Variants in EHF observed in about 807,000 individuals in gnomAD.
EHF encodes ESE3 transcription factor.
EHF carries 14 observed loss-of-function variants against 45.1 expected under a neutral mutation model. The ratio of observed to expected loss-of-function variants is 0.31; its 90% CI spans 0.21 to 0.49. The LOEUF (loss-of-function observed/expected upper bound fraction) is 0.49. Among genes scored for constraint, EHF ranks in the 20% least tolerant of loss-of-function variants. The pLI, the probability that EHF is intolerant of heterozygous loss-of-function variation, is 0.99. For missense variants in EHF, 282 were observed against 371.4 expected (o/e 0.76, Z 1.98); for synonymous variants, 136 against 131.8 (o/e 1.03, Z -0.22).
chr11:34,635,609 G>A (rs981692024), intron 1 of EHF, among the ~76,000 whole-genome samples: 2 of 151,592 alleles, frequency 1.3e-5, no homozygotes, highest in African/African-American at 4.9e-5. Flanking sequence ...CAGTATTTGA[G>A]CATTCTCTGT....
At chr11:34,643,093 TG>T (rs1854177020) in intron 2 of EHF, among the ~76,000 whole-genome samples, 1 of 151,818 alleles carries the variant, frequency 6.6e-6, no homozygotes, top group East Asian at 1.9e-4. Context: ...TGTGTGTGTG[TG>T]TGTATGTGCG....
chr11:34,636,717 T>C (rs966091444), intron 1 of EHF, among the ~76,000 whole-genome samples: 4 of 152,130 alleles, frequency 2.6e-5, no homozygotes, highest in African/African-American at 9.7e-5. Flanking sequence ...GCCCTTATTC[T>C]TTTAAGAGCT....
intron 1 of EHF, among the ~76,000 whole-genome samples, chr11:34,637,335 G>A (rs767348577): frequency 2.0e-5 from 3 of 152,192 alleles, no homozygotes; most frequent in African/African-American, 7.2e-5. Context: ...AGAAGCAGGC[G>A]CATGGGGCTG....
At chr11:34,656,572 T>TTCTATGCC (rs1855693355) in intron 6 of EHF, among the ~76,000 whole-genome samples, 1 of 152,146 alleles carries the variant, frequency 6.6e-6, no homozygotes, top group Admixed American at 6.5e-5. Context: ...GCCTTTGCAC[T>TTCTATGCC]TCTATGTTAC....
chr11:34,647,947 C>T (rs1192124642), intron 3 of EHF, among the ~76,000 whole-genome samples: 2 of 152,166 alleles, frequency 1.3e-5, no homozygotes, highest in African/African-American at 4.8e-5. Context: ...CAATTAAATC[C>T]ACTCCTTTAA....
At position 34,658,534 on chromosome 11, in the gene EHF, C is replaced by T. The variant is rs1027549870; in HGVS notation, c.609C>T (p.Asn203=). The T allele has an allele frequency of 2.5e-6, 4 of 1,612,022 alleles. No individual in the cohort carries two copies. The highest frequency in any genetic ancestry group is 1.7e-4 in the Middle Eastern group (1 of 6,038). ...ACCTGCCTTTCTGCTTTTCATCAGA[C>T]CCGAGAGGGACTCACTTATGGGAAT... is the stretch of plus-strand genomic sequence containing the variant. The part of the protein sequence containing the change: ...PPAKCHTKKH[N]PRGTHLWEFI... The change falls in exon 8 of 9, where the codon AAC becomes AAT. Residue 203 remains asparagine, a splice_region_variant and synonymous_variant. Transcript: ENST00000257831.
At chr11:34,652,039 T>C (rs1297271761) in intron 6 of EHF, among the ~76,000 whole-genome samples, 1 of 152,242 alleles carries the variant, frequency 6.6e-6, no homozygotes, top group Non-Finnish European at 1.5e-5. Context: ...AGTCACTCTG[T>C]TGTGACAATA....
chr11:34,653,547 T>C (rs1470962272), intron 6 of EHF, among the ~76,000 whole-genome samples: 1 of 152,092 alleles, frequency 6.6e-6, no homozygotes, highest in African/African-American at 2.4e-5. Flanking sequence ...TTGCTGCAGC[T>C]CCCCATTTCT....
chr11:34,633,970 C>G (rs1853149908), intron 1 of EHF, among the ~76,000 whole-genome samples: 1 of 152,144 alleles, frequency 6.6e-6, no homozygotes, highest in Non-Finnish European at 1.5e-5. Context: ...CATTATTGGT[C>G]ATGAAAACCC....
chr11:34,623,678 G>A (rs1188212013), intron 1 of EHF, among the ~76,000 whole-genome samples: 2 of 152,346 alleles, frequency 1.3e-5, no homozygotes, highest in Non-Finnish European at 2.9e-5. Context: ...AGGTCAGAAC[G>A]TGAGTGCTTT....
intron 6 of EHF, among the ~76,000 whole-genome samples, chr11:34,654,459 G>T (rs1855486919): frequency 6.6e-6 from 1 of 152,324 alleles, no homozygotes; most frequent in Middle Eastern, 3.4e-3. Context: ...CCTGCACACT[G>T]CAACAGGCAG....
intron 6 of EHF, among the ~76,000 whole-genome samples, chr11:34,652,455 T>A (rs190431560): frequency 5.3e-5 from 8 of 152,242 alleles, no homozygotes; most frequent in African/African-American, 1.9e-4. Context: ...GGGTGAGAAG[T>A]TTGGGATGTT....
At chr11:34,623,085 A>C (rs1302661906) in intron 1 of EHF, among the ~76,000 whole-genome samples, 1 of 152,014 alleles carries the variant, frequency 6.6e-6, no homozygotes, top group Non-Finnish European at 1.5e-5. Context: ...TTCAATTCAA[A>C]CAATCCTTTT....
At chr11:34,622,683 T>C (rs537890919) in intron 1 of EHF, among the ~76,000 whole-genome samples, 1 of 152,312 alleles carries the variant, frequency 6.6e-6, no homozygotes, top group East Asian at 1.9e-4. Flanking sequence ...GATGATGAAA[T>C]AACTCACCAA....
intron 1 of EHF, among the ~76,000 whole-genome samples, chr11:34,631,790 A>C (rs1852913776): frequency 6.6e-6 from 1 of 152,006 alleles, no homozygotes; most frequent in African/African-American, 2.4e-5. Flanking sequence ...GGTAACCTAG[A>C]GACTACACCT....
intron 1 of EHF, chr11:34,622,284 T>C: frequency 2.5e-6 from 1 of 405,140 alleles, no homozygotes; most frequent in Non-Finnish European, 4.4e-6. Flanking sequence ...AGTGTATGCT[T>C]CTGGGTTCAA....
At chr11:34,653,402 T>G (rs1855385648) in intron 6 of EHF, among the ~76,000 whole-genome samples, 1 of 152,230 alleles carries the variant, frequency 6.6e-6, no homozygotes, top group Non-Finnish European at 1.5e-5. Flanking sequence ...AATAGGGGCC[T>G]TAGAGGCCAG....
intron 1 of EHF, among the ~76,000 whole-genome samples, chr11:34,634,731 C>T (rs942963659): frequency 2.6e-5 from 4 of 151,944 alleles, no homozygotes; most frequent in African/African-American, 4.8e-5. Context: ...TATATATGCA[C>T]GTATGTATTT....
At chr11:34,635,823 T>C (rs1469649761) in intron 1 of EHF, among the ~76,000 whole-genome samples, 1 of 151,628 alleles carries the variant, frequency 6.6e-6, no homozygotes, top group Non-Finnish European at 1.5e-5. Context: ...TGGCAATGTG[T>C]CTAGTGAGAG....
Sources: allele counts gnomAD v4.1 joint callset (sites outside exome capture counted in the v4.1 genomes callset), GRCh38; gene constraint gnomAD v4.1.1; transcripts MANE v1.5; gene names NCBI Gene and HGNC (gene_info 2026-07-23, HGNC 2026-07-21).